The following PDLIM5 variants were observed in gnomAD, a reference collection of about 807,000 sequenced individuals.
PDLIM5 encodes PDZ and LIM domain 5.
A neutral mutation model predicts 64.2 loss-of-function variants in PDLIM5; 34 were observed. The observed-to-expected ratio is 0.53, with a 90% CI of 0.40 to 0.71. PDLIM5 has a LOEUF of 0.71. Ranked by LOEUF, PDLIM5 falls within the 30% of genes least tolerant of loss-of-function variation. PDLIM5 has a pLI of 0.00. For synonymous variants in PDLIM5, 253 were observed against 269.1 expected (o/e 0.94, Z 0.59); for missense variants, 683 against 733.6 (o/e 0.93, Z 0.80).
At chr4:94,595,079 G>A (rs1194035219) in intron 7 of PDLIM5, among the ~76,000 whole-genome samples, 1 of 152,096 alleles carries the variant, frequency 6.6e-6, no homozygotes, top group Non-Finnish European at 1.5e-5. Context: ...GAGAGAGAAG[G>A]GGGAGGTGCC....
chr4:94,491,985 C>T (rs1726919357), intron 2 of PDLIM5, among the ~76,000 whole-genome samples: 1 of 151,822 alleles, frequency 6.6e-6, no homozygotes, highest in South Asian at 2.1e-4. Context: ...CTATAGGTCT[C>T]AAAACTTATT....
chr4:94,633,288 T>C (rs1740300570), intron 8 of PDLIM5, among the ~76,000 whole-genome samples: 1 of 152,220 alleles, frequency 6.6e-6, no homozygotes, highest in African/African-American at 2.4e-5. Flanking sequence ...TTTCAAATAA[T>C]GAATTGGTTC....
intron 2 of PDLIM5, chr4:94,455,607 A>C (rs931767535): frequency 1.5e-6 from 1 of 650,096 alleles, no homozygotes; most frequent in Middle Eastern, 4.2e-4. Context: ...TGTTATCAAT[A>C]ATAAAATGGA....
At chr4:94,585,332 C>T (rs963834798) in intron 5 of PDLIM5, among the ~76,000 whole-genome samples, 4 of 152,064 alleles carry the variant, frequency 2.6e-5, no homozygotes, top group East Asian at 1.9e-4. Flanking sequence ...CCTCATGATC[C>T]GCCCACCTCA....
intron 8 of PDLIM5, among the ~76,000 whole-genome samples, chr4:94,624,537 G>A (rs1376861571): frequency 6.6e-6 from 1 of 152,044 alleles, no homozygotes; most frequent in African/African-American, 2.4e-5. Flanking sequence ...AGTGGAAAGG[G>A]AAGAAAAAGA....
rs372977790 is a variant in PDLIM5 at position 94,517,988 on chromosome 4, T to C, written c.97-5736T>C. Among the ~76,000 whole-genome samples, 189 of 152,326 alleles carry C rather than the reference T, an allele frequency of 1.2e-3. 6 individuals are homozygous for C. The South Asian group carries it at 0.028, about 23-fold the overall frequency. ...TTTTCTTAGTTTGGCAACTGCTGGC[T>C]TATTTCCAAGGAAACGCAAATAGAG... On this transcript the variant is annotated intron_variant, in intron 2 of 12. Coordinates refer to ENST00000317968, the MANE Select transcript of PDLIM5 (RefSeq NM_006457.5).
At chr4:94,487,307 GACTTGACCAGTGAAGA>G (rs1726437381) in intron 2 of PDLIM5, among the ~76,000 whole-genome samples, 1 of 152,134 alleles carries the variant, frequency 6.6e-6, no homozygotes, top group Non-Finnish European at 1.5e-5. Flanking sequence ...TTTGTCAGTA[GACTTGACCAGTGAAGA>G]ACTTGACCAG....
rs1290027888 is a variant in PDLIM5 at position 94,455,392 on chromosome 4, A to G, written c.96+8A>G. Reference sequence around the variant, plus strand: ...CCTCTGACAATCTCTAGTGTAAGTAAACTTTACAAATTTTATTATAGATGT... The same window carrying G: ...CCTCTGACAATCTCTAGTGTAAGTAGACTTTACAAATTTTATTATAGATGT... On this transcript the variant is annotated splice_region_variant and intron_variant, in intron 2 of 12. Coordinates refer to ENST00000317968, the MANE Select transcript of PDLIM5 (RefSeq NM_006457.5). The G allele has an allele frequency of 6.4e-7, 1 of 1,564,842 alleles. No individual in the cohort carries two copies. Among genetic ancestry groups the G allele is most frequent in the Non-Finnish European group, 8.8e-7 (1 of 1,135,224 alleles).
intron 7 of PDLIM5, chr4:94,587,317 GA>G: frequency 7.8e-7 from 1 of 1,285,600 alleles, no homozygotes; most frequent in Non-Finnish European, 9.8e-7. Flanking sequence ...TAAGGGACTA[GA>G]TCTATTTGTG....
At chr4:94,486,232 A>G (rs926232677) in intron 2 of PDLIM5, among the ~76,000 whole-genome samples, 1 of 152,214 alleles carries the variant, frequency 6.6e-6, no homozygotes, top group African/African-American at 2.4e-5. Context: ...TAACCAAATA[A>G]TAAAGGATAC....
chr4:94,499,144 T>G (rs1727670589), intron 2 of PDLIM5, among the ~76,000 whole-genome samples: 1 of 152,288 alleles, frequency 6.6e-6, no homozygotes, highest in South Asian at 2.1e-4. Flanking sequence ...TAATAGATAT[T>G]TCTGGAAAAA....
At chr4:94,607,130 C>T (rs943884730) in intron 7 of PDLIM5, among the ~76,000 whole-genome samples, 37 of 152,010 alleles carry the variant, frequency 2.4e-4, no homozygotes, top group African/African-American at 7.5e-4. Context: ...CAACTGTCTA[C>T]GTTTTTTCAA....
intron 2 of PDLIM5, among the ~76,000 whole-genome samples, chr4:94,468,112 G>C (rs2126088426): frequency 6.6e-6 from 1 of 152,202 alleles, no homozygotes; most frequent in East Asian, 1.9e-4. Context: ...TTTAGAAGCT[G>C]TTCTGAGCAA....
intron 2 of PDLIM5, among the ~76,000 whole-genome samples, chr4:94,502,368 T>C (rs1728001673): frequency 6.6e-6 from 1 of 152,216 alleles, no homozygotes; most frequent in African/African-American, 2.4e-5. Flanking sequence ...AAATGTGTTA[T>C]CTCAGGAGGG....
Position 94,476,771 on chromosome 4 carries a change from C to T in PDLIM5, c.96+21387C>T, listed in dbSNP as rs146955810. Among the ~76,000 whole-genome samples, 515 of 152,268 alleles carry T rather than the reference C, an allele frequency of 3.4e-3. 1 individual carries two copies. The highest frequency in any genetic ancestry group is 0.012 in the African/African-American group (480 of 41,544). ...CTCTTGAGAGTTTGGACTCTGGAGC[C>T]AGCCATCGTGGGTTCAAATCGCAGT... On this transcript the variant is annotated intron_variant, in intron 2 of 12. Coordinates refer to ENST00000317968, the MANE Select transcript of PDLIM5 (RefSeq NM_006457.5).
At position 94,665,140 on chromosome 4, in the gene PDLIM5, G is replaced by C. The variant is rs1427371542; in HGVS notation, c.*1073G>C. ...TTTTTTTCCCTTGTGCTAAGGTAAA[G>C]ATTTAATTAAATAATTTTGGCCTCT... is the stretch of plus-strand genomic sequence containing the variant. On this transcript the variant is annotated 3_prime_UTR_variant, in exon 13 of 13. Coordinates refer to ENST00000317968, the MANE Select transcript of PDLIM5 (RefSeq NM_006457.5). 2 of 955,166 alleles carry C rather than the reference G, an allele frequency of 2.1e-6. No individual in the cohort carries two copies. Among genetic ancestry groups the C allele is most frequent in the African/African-American group, 3.5e-5 (2 of 56,608 alleles). The allele number at this position is 955,166 out of a possible 1,614,324, so 59.2% of individuals were successfully genotyped here.
intron 3 of PDLIM5, among the ~76,000 whole-genome samples, chr4:94,527,787 ATT>A (rs1730506922): frequency 1.3e-5 from 2 of 152,116 alleles, no homozygotes; most frequent in South Asian, 4.1e-4. Context: ...CCTTCCTTGT[ATT>A]TGTTAGTTAT....
At chr4:94,475,221 G>A (rs1725222133) in intron 2 of PDLIM5, among the ~76,000 whole-genome samples, 1 of 151,912 alleles carries the variant, frequency 6.6e-6, no homozygotes, top group Non-Finnish European at 1.5e-5. Flanking sequence ...TATAAAGGAG[G>A]GACTTATTCT....
At chr4:94,611,237 T>C in intron 7 of PDLIM5, 1 of 1,510,570 alleles carries the variant, frequency 6.6e-7, no homozygotes, top group Non-Finnish European at 8.9e-7. Context: ...GGTGGTTCGC[T>C]GTTAAGCATA....
Sources: allele counts gnomAD v4.1 joint callset (sites outside exome capture counted in the v4.1 genomes callset), GRCh38; gene constraint gnomAD v4.1.1; transcripts MANE v1.5; gene names NCBI Gene and HGNC (gene_info 2026-07-23, HGNC 2026-07-21).